LHFPL6: variants seen among roughly 807,000 people sequenced by gnomAD.
The protein encoded by LHFPL6 is LHFPL tetraspan subfamily member 6.
Under a neutral mutation model 20.6 loss-of-function variants are expected in LHFPL6, and 9 were observed. The ratio of observed to expected loss-of-function variants is 0.44; its 90% CI spans 0.26 to 0.76. The LOEUF is 0.76. Among genes scored for constraint, LHFPL6 ranks in the 30% least tolerant of loss-of-function variants. The pLI, the probability that LHFPL6 is intolerant of heterozygous loss-of-function variation, is 0.20. For synonymous variants in LHFPL6, 105 were observed against 98.7 expected (o/e 1.06, Z -0.38); for missense variants, 218 against 253.5 (o/e 0.86, Z 0.95).
At chr13:39,560,110 C>T (rs1010593017) in intron 2 of LHFPL6, among the ~76,000 whole-genome samples, 2 of 152,118 alleles carry the variant, frequency 1.3e-5, no homozygotes, top group Non-Finnish European at 2.9e-5. Context: ...ATCCGATCTA[C>T]CAGGTCATTT....
At chr13:39,378,956 C>T (rs1870367084) in intron 2 of LHFPL6, among the ~76,000 whole-genome samples, 1 of 152,068 alleles carries the variant, frequency 6.6e-6, no homozygotes, top group Non-Finnish European at 1.5e-5. Flanking sequence ...TAGAATGATT[C>T]AGTGTTGTCA....
At chr13:39,416,361 T>C (rs1364789517) in intron 2 of LHFPL6, among the ~76,000 whole-genome samples, 2 of 104,348 alleles carry the variant, frequency 1.9e-5, no homozygotes, top group Non-Finnish European at 4.5e-5. Context: ...AACCTTAATA[T>C]GTTAAAAAAA....
At chr13:39,536,836 G>A (rs1179623525) in intron 2 of LHFPL6, among the ~76,000 whole-genome samples, 1 of 152,160 alleles carries the variant, frequency 6.6e-6, no homozygotes, top group African/African-American at 2.4e-5. Context: ...GACCTCAAGG[G>A]CAAATAATAG....
At chr13:39,562,417 C>CATATACATATATGCATAT (rs1555268243) in intron 2 of LHFPL6, among the ~76,000 whole-genome samples, 3 of 57,902 alleles carry the variant, frequency 5.2e-5, no homozygotes, top group South Asian at 6.5e-4. Flanking sequence ...CACATATACA[C>CATATACATATATGCATAT]ATATACATAT....
intron 3 of LHFPL6, among the ~76,000 whole-genome samples, chr13:39,344,919 C>T (rs1361665718): frequency 2.6e-5 from 4 of 152,186 alleles, no homozygotes; most frequent in South Asian, 2.1e-4. Flanking sequence ...AAGAATAGGT[C>T]GGTGTCCCCA....
chr13:39,354,955 G>A (rs921090495), intron 3 of LHFPL6, among the ~76,000 whole-genome samples: 1 of 151,626 alleles, frequency 6.6e-6, no homozygotes, highest in Admixed American at 6.6e-5. Flanking sequence ...GAAAGAAGGA[G>A]AGAGAGTAAG....
intron 2 of LHFPL6, among the ~76,000 whole-genome samples, chr13:39,452,772 AAAAC>A (rs545094063): frequency 1.0e-3 from 155 of 152,372 alleles, no homozygotes; most frequent in African/African-American, 3.5e-3. Context: ...TTAGATGTGA[AAAAC>A]AGACATATCC....
intron 2 of LHFPL6, among the ~76,000 whole-genome samples, chr13:39,564,745 T>G (rs1566142886): frequency 1.3e-5 from 2 of 152,230 alleles, no homozygotes; most frequent in South Asian, 4.1e-4. Context: ...CTTATTTAAG[T>G]AGCCTTTTAT....
intron 2 of LHFPL6, among the ~76,000 whole-genome samples, chr13:39,382,537 G>T (rs760379495): frequency 6.6e-6 from 1 of 151,888 alleles, no homozygotes; most frequent in African/African-American, 2.4e-5. Flanking sequence ...TTACAGGCGC[G>T]TACCCCCATG....
At chr13:39,431,721 G>GGT (rs1555262196) in intron 2 of LHFPL6, among the ~76,000 whole-genome samples, 16 of 147,594 alleles carry the variant, frequency 1.1e-4, no homozygotes, top group Non-Finnish European at 1.3e-4. Flanking sequence ...AATTTGTGGG[G>GGT]GGGGGGGGCT....
At position 39,601,349 on chromosome 13, in the gene LHFPL6, T is replaced by A; in HGVS notation, c.-133A>T. ...ATGCAGAATGGATCTTCAGTCTTAC[T>A]GGGCATCAACTTTCCATCCTCTGCA... On this transcript the variant is annotated 5_prime_UTR_variant, in exon 2 of 4. Coordinates refer to ENST00000379589, the MANE Select transcript of LHFPL6 (RefSeq NM_005780.3). 1.2e-6 allele frequency: 1 copy of A among 853,254 alleles called. No homozygotes were observed. 52.9% of individuals were successfully genotyped at this position (853,254 alleles called of 1,614,324 possible). A position where few individuals can be genotyped will look rare whatever the true frequency, so the allele number is the denominator to read the frequency against.
At chr13:39,482,387 G>A (rs1267914705) in intron 2 of LHFPL6, among the ~76,000 whole-genome samples, 4 of 151,654 alleles carry the variant, frequency 2.6e-5, no homozygotes, top group African/African-American at 9.7e-5. Flanking sequence ...AGGTTGTGGT[G>A]AGCCAAGATC....
intron 3 of LHFPL6, among the ~76,000 whole-genome samples, chr13:39,346,739 C>G (rs765792888): frequency 6.6e-6 from 1 of 152,140 alleles, no homozygotes; most frequent in African/African-American, 2.4e-5. Context: ...TCAATCAGAT[C>G]AAGCCATGCT....
chr13:39,358,825 A>C (rs554394748), intron 3 of LHFPL6, among the ~76,000 whole-genome samples: 79 of 152,316 alleles, frequency 5.2e-4, no homozygotes, highest in African/African-American at 1.9e-3. Context: ...CAGAAAATTC[A>C]AGTCAAAACT....
At chr13:39,561,853 T>C in intron 2 of LHFPL6, among the ~76,000 whole-genome samples, 1 of 152,186 alleles carries the variant, frequency 6.6e-6, no homozygotes, top group African/African-American at 2.4e-5. Flanking sequence ...GAATATGGGC[T>C]TTCACTTGAT....
chr13:39,464,204 G>A (rs995629457), intron 2 of LHFPL6, among the ~76,000 whole-genome samples: 12 of 152,156 alleles, frequency 7.9e-5, no homozygotes, highest in African/African-American at 2.4e-4. Flanking sequence ...AAAGTCTTCA[G>A]TACAGCATAG....
intron 2 of LHFPL6, among the ~76,000 whole-genome samples, chr13:39,513,243 C>G (rs1280486378): frequency 6.6e-6 from 1 of 152,162 alleles, no homozygotes; most frequent in African/African-American, 2.4e-5. Flanking sequence ...GTTAAAAGAG[C>G]TGCTTAACTG....
chr13:39,428,374 A>T (rs1352032628), intron 2 of LHFPL6, among the ~76,000 whole-genome samples: 1 of 152,222 alleles, frequency 6.6e-6, no homozygotes, highest in Non-Finnish European at 1.5e-5. Context: ...ATTTTACTAC[A>T]AATTGATTTT....
chr13:39,382,178 C>T (rs1056991047), intron 2 of LHFPL6, among the ~76,000 whole-genome samples: 3 of 152,088 alleles, frequency 2.0e-5, no homozygotes, highest in African/African-American at 4.8e-5. Context: ...TGCACTACTC[C>T]GGAATGTCTC....
Sources: allele counts gnomAD v4.1 joint callset (sites outside exome capture counted in the v4.1 genomes callset), GRCh38; gene constraint gnomAD v4.1.1; transcripts MANE v1.5; gene names NCBI Gene and HGNC (gene_info 2026-07-23, HGNC 2026-07-21).